The following ERCC1 variants were observed in gnomAD, a reference collection of about 807,000 sequenced individuals.
ERCC1 encodes DNA excision repair protein ERCC-1.
Under a neutral mutation model 37.6 loss-of-function variants are expected in ERCC1, and 36 were observed. That is an observed-to-expected ratio of 0.96 (90% confidence interval 0.73 to 1.26). ERCC1 has a LOEUF of 1.26. Ranked by LOEUF, ERCC1 falls within the 50% of genes most tolerant of loss-of-function variation. The pLI, the probability that ERCC1 is intolerant of heterozygous loss-of-function variation, is 0.00. For synonymous variants in ERCC1, 156 were observed against 162.1 expected (o/e 0.96, Z 0.28); for missense variants, 349 against 376.5 (o/e 0.93, Z 0.60).
At chr19:45,446,139 A>T (rs1408535016) in intron 1 of ERCC1, among the ~76,000 whole-genome samples, 21 of 151,914 alleles carry the variant, frequency 1.4e-4, no homozygotes, top group Admixed American at 1.4e-3. Context: ...ACCTCAGGTG[A>T]TTTGCCCACC....
At chr19:45,415,654 A>C (rs1002414292) in intron 6 of ERCC1, among the ~76,000 whole-genome samples, 5 of 151,624 alleles carry the variant, frequency 3.3e-5, no homozygotes, top group Non-Finnish European at 5.9e-5. Context: ...AAAAAAAAAA[A>C]AAAACAATTG....
intron 1 of ERCC1, among the ~76,000 whole-genome samples, chr19:45,442,715 G>A (rs1006062682): frequency 6.6e-6 from 1 of 152,180 alleles, no homozygotes; most frequent in African/African-American, 2.4e-5. Context: ...GGGTGACAGG[G>A]GTGGGGAGTC....
chr19:45,427,756 CTCCTGCGTT>C (rs1320218085), upstream of ERCC1, among the ~76,000 whole-genome samples: 2 of 152,204 alleles, frequency 1.3e-5, no homozygotes, highest in Admixed American at 1.3e-4. Context: ...AACCCTGCAA[CTCCTGCGTT>C]TTCTGCAAGG....
rs770313558 is a variant in ERCC1, at chr19:45,420,702, G to C, written c.322-275C>G. 6.6e-6 allele frequency among the ~76,000 whole-genome samples: 1 copy of C among 152,168 alleles called. No individual in the cohort carries two copies. Among genetic ancestry groups the C allele is most frequent in the East Asian group, 1.9e-4 (1 of 5,182 alleles). ...ACCAGGCCTTTCCTAAAGGGTCCCC[G>C]GGTCTGTCTCCAGCTCAGCCCTCTC... On this transcript the variant is annotated intron_variant, in intron 3 of 9. Coordinates refer to ENST00000300853, the MANE Select transcript of ERCC1 (RefSeq NM_001983.4). The surrounding 1 kb of genome is among the most constrained non-coding windows in gnomAD (Gnocchi z 4.8).
intron 2 of ERCC1, among the ~76,000 whole-genome samples, chr19:45,422,760 A>AAATAAAT (rs1568589024): frequency 2.0e-5 from 3 of 151,856 alleles, no homozygotes; most frequent in African/African-American, 7.3e-5. Context: ...CTGTCTCAAA[A>AAATAAAT]AAATAAATAA....
intron 1 of ERCC1, among the ~76,000 whole-genome samples, chr19:45,445,199 TAG>T (rs1370399903): frequency 6.6e-6 from 1 of 152,158 alleles, no homozygotes; most frequent in Non-Finnish European, 1.5e-5. Context: ...GTATTTTTAG[TAG>T]AGACACGGTT....
At chr19:45,424,053 T>C, upstream of ERCC1, 2 of 1,044,608 alleles carry the variant, frequency 1.9e-6, no homozygotes, top group East Asian at 5.7e-5. Flanking sequence ...TCCCAAACTG[T>C]TAAGTTTCAA....
Position 45,419,104 on chromosome 19 carries a change from C to T in ERCC1, c.519G>A (p.Val173=). ...NFALRVLLVQ[V]DVKDPQQALK... ...GGGAGCAGCCCCTGCTTACCACATC[C>T]ACCTGGACAAGCAGGACCCGCAAGG... Residue 173 remains valine, a synonymous_variant, in exon 5 of 10, where the codon GTG becomes GTA. Transcript: ENST00000300853. 1 of 1,574,314 alleles carries T rather than the reference C, an allele frequency of 6.4e-7. No individual in the cohort carries two copies. The highest frequency in any genetic ancestry group is 8.6e-7 in the Non-Finnish European group (1 of 1,158,302).
rs970147671 is a variant in ERCC1, at chr19:45,408,650, G to A, written c.*1025C>T. The A allele has an allele frequency of 3.2e-5, 52 of 1,613,774 alleles. No individual in the cohort carries two copies. The highest frequency in any genetic ancestry group is 4.3e-5 in the Non-Finnish European group (51 of 1,180,016). ...GCAGCTGAAAGAACCAGAGGCAGCA[G>A]GGCCTGTGGGGACAGAGCCCACAGT... On this transcript the variant is annotated 3_prime_UTR_variant, in exon 10 of 10. Coordinates refer to ENST00000300853, the MANE Select transcript of ERCC1 (RefSeq NM_001983.4).
chr19:45,414,024 C>T lies in ERCC1; in HGVS notation c.713G>A (p.Cys238Tyr). ...EQDFVSRVTE[C>Y]LTTVKSVNKT... ...GTTGACTGACTTCACGGTGGTCAGACATTCAGTCACCTGGAAAGGGTGGAG... is the reference window on the plus strand; with the variant it reads ...GTTGACTGACTTCACGGTGGTCAGATATTCAGTCACCTGGAAAGGGTGGAG... Residue 238 changes from cysteine to tyrosine, a missense_variant, in exon 8 of 10, where the codon TGT becomes TAT. Coordinates refer to ENST00000300853, the MANE Select transcript of ERCC1 (RefSeq NM_001983.4). 6.2e-7 allele frequency: 1 copy of T among 1,612,896 alleles called. No homozygotes were observed. Among genetic ancestry groups the T allele is most frequent in the Non-Finnish European group, 8.5e-7 (1 of 1,179,842 alleles).
intron 1 of ERCC1, among the ~76,000 whole-genome samples, chr19:45,440,269 T>C (rs1287361425): frequency 2.0e-5 from 3 of 150,170 alleles, no homozygotes; most frequent in Admixed American, 6.6e-5. Flanking sequence ...CCACTGGTAC[T>C]CATCCGCATC....
chr19:45,428,864 G>C (rs1238013652), upstream of ERCC1: 1 of 152,258 alleles, frequency 6.6e-6, no homozygotes, highest in East Asian at 1.9e-4. Context: ...CCGAGTGGAG[G>C]GGGGCGGCTC....
chr19:45,423,989 T>G (rs548231911), upstream of ERCC1: 2 of 1,058,584 alleles, frequency 1.9e-6, no homozygotes, highest in Admixed American at 5.3e-5. Context: ...TCTCTATGGT[T>G]CTGGAGGACC....
rs1974595706 is a variant in ERCC1, at chr19:45,423,876, CT to C, written c.-104del. Reference sequence around the variant, plus strand: ...ACTGCAGAGGGATCGAGGCGGCCCACTGCCAGCACGGCCAGCGTGGCCCAGG... The same window carrying C: ...ACTGCAGAGGGATCGAGGCGGCCCACGCCAGCACGGCCAGCGTGGCCCAGG... On this transcript the variant is annotated 5_prime_UTR_variant, in exon 1 of 10. Transcript: ENST00000300853. 12 of 1,106,258 alleles carry C rather than the reference CT, an allele frequency of 1.1e-5. No individual in the cohort carries two copies. The Admixed American group carries it at 5.4e-4, about 50-fold the overall frequency. The allele number at this position is 1,106,258 out of a possible 1,614,324, so 68.5% of individuals were successfully genotyped here. A position where few individuals can be genotyped will look rare whatever the true frequency, so the allele number is the denominator to read the frequency against.
intron 1 of ERCC1, among the ~76,000 whole-genome samples, chr19:45,437,976 C>T (rs1975024397): frequency 6.6e-6 from 1 of 150,860 alleles, no homozygotes; most frequent in East Asian, 1.9e-4. Flanking sequence ...GGCACAATCT[C>T]GGCTCACTGC....
chr19:45,426,576 G>A (rs1368679663), upstream of ERCC1, among the ~76,000 whole-genome samples: 1 of 147,518 alleles, frequency 6.8e-6, no homozygotes, highest in African/African-American at 2.6e-5. Context: ...AATTTTTTTT[G>A]AGACAAGGTC....
intron 1 of ERCC1, among the ~76,000 whole-genome samples, chr19:45,429,827 C>A (rs961893407): frequency 3.3e-5 from 5 of 152,092 alleles, no homozygotes; most frequent in African/African-American, 4.8e-5. Context: ...CTCTGTCACC[C>A]AGGCTGTAGT....
Position 45,447,167 on chromosome 19 carries a change from C to T in ERCC1, c.-7-23786G>A, listed in dbSNP as rs138045983. On this transcript the variant is annotated intron_variant, in intron 1 of 8. Transcript: ENST00000423698. ...CTAGGCCTGGCACACCCCAGCACTACGTGCAGCAACATGTGAAACACAGTC... is the reference window on the plus strand; with the variant it reads ...CTAGGCCTGGCACACCCCAGCACTATGTGCAGCAACATGTGAAACACAGTC... 5.9e-3 allele frequency among the ~76,000 whole-genome samples: 898 copies of T among 152,230 alleles called. 6 individuals carry two copies. Among genetic ancestry groups the T allele is most frequent in the African/African-American group, 0.016 (678 of 41,548 alleles).
At chr19:45,434,067 C>T (rs1974905411) in intron 1 of ERCC1, among the ~76,000 whole-genome samples, 1 of 149,634 alleles carries the variant, frequency 6.7e-6, no homozygotes, top group Admixed American at 6.7e-5. Context: ...TCACTTGAAC[C>T]CGAGAGGCAG....
Sources: gnomAD v4.1 joint callset for allele counts (sites outside exome capture counted in the v4.1 genomes callset) on GRCh38, gnomAD v4.1.1 for gene constraint, Gnocchi (gnomAD v3.1) non-coding constraint, MANE v1.5 for transcripts, NCBI Gene and HGNC (gene_info 2026-07-23, HGNC 2026-07-21) for gene names.